CEP63: variants seen among roughly 807,000 people sequenced by gnomAD.
CEP63 encodes centrosomal protein 63.
CEP63 carries 84 observed loss-of-function variants against 89.1 expected under a neutral mutation model. The observed-to-expected ratio is 0.94, with a 90% CI of 0.79 to 1.13. CEP63 has a LOEUF of 1.13. Among genes scored for constraint, CEP63 ranks in the 50% most tolerant of loss-of-function variants. CEP63 has a pLI of 0.00. For synonymous variants in CEP63, 267 were observed against 272.5 expected (o/e 0.98, Z 0.20); for missense variants, 838 against 813.3 (o/e 1.03, Z -0.37).
chr3:134,591,262 G>A (rs536813670), downstream of CEP63, among the ~76,000 whole-genome samples: 6 of 152,282 alleles, frequency 3.9e-5, no homozygotes, highest in Non-Finnish European at 7.4e-5. Context: ...TTCCTCATCT[G>A]TTGCAAGTGA....
the CEP63 span, among the ~76,000 whole-genome samples, chr3:134,705,623 A>G: frequency 1.3e-5 from 2 of 152,214 alleles, no homozygotes; most frequent in African/African-American, 4.8e-5. Context: ...ATGTTTGAGG[A>G]TGATTCTCTT....
the CEP63 span, chr3:134,610,342 T>G: frequency 6.2e-7 from 1 of 1,613,432 alleles, no homozygotes; most frequent in Non-Finnish European, 8.5e-7. Context: ...GCCGAAACCC[T>G]TGGAGTAGCC....
At chr3:134,650,684 A>G in the CEP63 span, 1 of 747,564 alleles carries the variant, frequency 1.3e-6, no homozygotes, top group Middle Eastern at 4.0e-4. Context: ...ACTGCGGGGA[A>G]GCGACGGCAG....
At chr3:134,781,403 G>C in the CEP63 span, among the ~76,000 whole-genome samples, 51 of 152,094 alleles carry the variant, frequency 3.4e-4, no homozygotes, top group Non-Finnish European at 5.3e-4. Context: ...ACTTTCTTAA[G>C]ATTTGTTCCA....
At chr3:134,653,096 G>A in the CEP63 span, among the ~76,000 whole-genome samples, 2 of 152,202 alleles carry the variant, frequency 1.3e-5, no homozygotes, top group Non-Finnish European at 2.9e-5. Context: ...GAAATGGTGT[G>A]GAGGCCTCCT....
intron 6 of CEP63, among the ~76,000 whole-genome samples, chr3:134,538,566 T>TATATATATA (rs1407833955): frequency 1.4e-5 from 2 of 144,030 alleles, no homozygotes; most frequent in Admixed American, 7.1e-5. Flanking sequence ...TATATATATA[T>TATATATATA]TTTTTTAACA....
At chr3:134,545,393 G>A (rs1320482436) in intron 6 of CEP63, among the ~76,000 whole-genome samples, 193 bp from the exon 7 acceptor site, 1 of 151,902 alleles carries the variant, frequency 6.6e-6, no homozygotes, top group Admixed American at 6.6e-5. Context: ...GCCTCCCATA[G>A]TGTTAGGATT....
At chr3:134,524,629 T>G (rs1419797120) in intron 3 of CEP63, among the ~76,000 whole-genome samples, 1 of 152,192 alleles carries the variant, frequency 6.6e-6, no homozygotes, top group East Asian at 1.9e-4. Flanking sequence ...TCTGCATCTA[T>G]TGAGATAATC....
the CEP63 span, among the ~76,000 whole-genome samples, chr3:134,671,215 T>C: frequency 6.6e-6 from 1 of 152,246 alleles, no homozygotes; most frequent in East Asian, 1.9e-4. Flanking sequence ...TCCATTATCC[T>C]ACGCGATCTA....
chr3:134,742,840 C>G, the CEP63 span, among the ~76,000 whole-genome samples: 1 of 152,132 alleles, frequency 6.6e-6, no homozygotes, highest in African/African-American at 2.4e-5. Flanking sequence ...AGATGCTGGC[C>G]CCTTGATTGT....
At chr3:134,704,908 G>A in the CEP63 span, among the ~76,000 whole-genome samples, 1 of 152,176 alleles carries the variant, frequency 6.6e-6, no homozygotes, top group African/African-American at 2.4e-5. Context: ...ACCTACAGAA[G>A]CAGAGCAGAA....
At chr3:134,539,785 G>C (rs1951620938) in intron 6 of CEP63, among the ~76,000 whole-genome samples, 1 of 151,904 alleles carries the variant, frequency 6.6e-6, no homozygotes, top group African/African-American at 2.4e-5. Context: ...ACATATGTTT[G>C]CTTGAATTCA....
intron 5 of CEP63, chr3:134,536,607 C>T (rs1187267820): frequency 6.2e-6 from 1 of 161,136 alleles, no homozygotes; most frequent in African/African-American, 2.4e-5. Flanking sequence ...TTTTGCAGTT[C>T]CTCTGTTGAG....
the CEP63 span, among the ~76,000 whole-genome samples, chr3:134,676,707 C>G: frequency 1.3e-5 from 2 of 152,146 alleles, no homozygotes; most frequent in African/African-American, 4.8e-5. Flanking sequence ...CATGATATCA[C>G]TTGAGCCCCT....
chr3:134,674,059 C>A, the CEP63 span, among the ~76,000 whole-genome samples: 1 of 152,242 alleles, frequency 6.6e-6, no homozygotes, highest in South Asian at 2.1e-4. Context: ...GCACATGAAC[C>A]AATTTGGATC....
chr3:134,777,756 G>A, the CEP63 span, among the ~76,000 whole-genome samples: 2 of 151,294 alleles, frequency 1.3e-5, no homozygotes, highest in East Asian at 3.9e-4. Context: ...TGGGATTACA[G>A]GTACACGCCA....
In CEP63 at chr3:134,549,068, A is replaced by G. The variant is rs777332231; in HGVS notation, c.1074A>G (p.Glu358=). ...AEVTCLEGSL[E]SVSATCKQLS... is the part of the protein sequence containing the mutation. ...TCTTATTTTTGTCATACAGTTTGGA[A>G]TCTGTGAGTGCAACGTGTAAACAGC... is the stretch of plus-strand genomic sequence containing the variant. The change falls in exon 10 of 15, where the codon GAA becomes GAG. Residue 358 remains glutamate, a synonymous_variant. Coordinates refer to ENST00000675561, the MANE Select transcript of CEP63 (RefSeq NM_001353108.3). 2 of 1,608,264 alleles carry G rather than the reference A, an allele frequency of 1.2e-6. No homozygotes were observed. The highest frequency in any genetic ancestry group is 3.3e-5 in the Admixed American group (2 of 60,014).
chr3:134,664,163 G>A, the CEP63 span, among the ~76,000 whole-genome samples: 2 of 152,210 alleles, frequency 1.3e-5, no homozygotes, highest in Non-Finnish European at 2.9e-5. Context: ...TTGCTTCCCT[G>A]TGTCTTGGAG....
At chr3:134,659,696 G>A in the CEP63 span, among the ~76,000 whole-genome samples, 1 of 152,324 alleles carries the variant, frequency 6.6e-6, no homozygotes, top group East Asian at 1.9e-4. Context: ...GTTCAAGATT[G>A]TCTGATCAGG....
Sources: allele counts gnomAD v4.1 joint callset (sites outside exome capture counted in the v4.1 genomes callset), GRCh38; gene constraint gnomAD v4.1.1; transcripts MANE v1.5; gene names NCBI Gene and HGNC (gene_info 2026-07-23, HGNC 2026-07-21).